GRID2: variants seen among roughly 807,000 people sequenced by gnomAD.
GRID2 encodes glutamate ionotropic receptor delta type subunit 2.
A neutral mutation model predicts 114.8 loss-of-function variants in GRID2; 33 were observed. The ratio of observed to expected loss-of-function variants is 0.29; its 90% confidence interval spans 0.22 to 0.38. The LOEUF (loss-of-function observed/expected upper bound fraction) is 0.38. Ranked by LOEUF, GRID2 falls within the 10% of genes least tolerant of loss-of-function variation. The pLI is 1.00. For missense variants in GRID2, 1,184 were observed against 1,257.7 expected (o/e 0.94, Z 0.89); for synonymous variants, 505 against 449.9 (o/e 1.12, Z -1.55).
chr4:93,278,378 T>G (rs1266422304), intron 8 of GRID2, among the ~76,000 whole-genome samples: 1 of 151,680 alleles, frequency 6.6e-6, no homozygotes, highest in Non-Finnish European at 1.5e-5. Context: ...AGTAGTGGTA[T>G]GGGTTTGAGA....
At chr4:92,357,011 A>G (rs1442127661) in intron 1 of GRID2, among the ~76,000 whole-genome samples, 2 of 151,826 alleles carry the variant, frequency 1.3e-5, no homozygotes, top group African/African-American at 4.8e-5. Context: ...ACATGCACGG[A>G]TCCACAAAAC....
At chr4:92,898,116 T>C (rs1747302531) in intron 2 of GRID2, among the ~76,000 whole-genome samples, 1 of 152,198 alleles carries the variant, frequency 6.6e-6, no homozygotes, top group South Asian at 2.1e-4. Flanking sequence ...ATTCTAGTTA[T>C]TTCTCACTGA....
chr4:92,620,087 G>A (rs1346263247), intron 2 of GRID2, among the ~76,000 whole-genome samples: 1 of 151,872 alleles, frequency 6.6e-6, no homozygotes, highest in East Asian at 1.9e-4. Flanking sequence ...AGTGTGGTTA[G>A]TCTGGAATAC....
At chr4:93,238,180 A>C (rs902718974) in intron 7 of GRID2, among the ~76,000 whole-genome samples, 191 bp from the exon 8 acceptor site, 6 of 151,862 alleles carry the variant, frequency 4.0e-5, no homozygotes, top group Non-Finnish European at 8.8e-5. Flanking sequence ...GGATTAAGGA[A>C]TTTCCAAAGT....
chr4:92,943,368 C>T (rs898202994), intron 2 of GRID2, among the ~76,000 whole-genome samples: 10 of 152,146 alleles, frequency 6.6e-5, no homozygotes, highest in South Asian at 2.1e-4. Context: ...CAGTTGATCG[C>T]GTCGGCTACT....
At chr4:92,633,118 C>T (rs141200439) in intron 2 of GRID2, among the ~76,000 whole-genome samples, 3 of 152,208 alleles carry the variant, frequency 2.0e-5, no homozygotes, top group Non-Finnish European at 4.4e-5. Context: ...ACTTTGAACC[C>T]AGGGCCATAA....
chr4:93,193,291 T>G (rs1741167505), intron 4 of GRID2, among the ~76,000 whole-genome samples: 1 of 152,096 alleles, frequency 6.6e-6, no homozygotes, highest in Admixed American at 6.6e-5. Flanking sequence ...TTTGATATGG[T>G]TTGGCTGTGT....
At chr4:92,314,242 A>T (rs1725853330) in intron 1 of GRID2, among the ~76,000 whole-genome samples, 1 of 152,110 alleles carries the variant, frequency 6.6e-6, no homozygotes, top group African/African-American at 2.4e-5. Context: ...TTTTATCTGA[A>T]CTTAAGAGCA....
intron 2 of GRID2, among the ~76,000 whole-genome samples, chr4:92,890,444 G>A (rs1746686663): frequency 6.6e-6 from 1 of 152,108 alleles, no homozygotes; most frequent in Non-Finnish European, 1.5e-5. Context: ...ATTGAAAAGT[G>A]GGTGAAGGAT....
intron 2 of GRID2, among the ~76,000 whole-genome samples, chr4:92,662,124 C>T (rs577909010): frequency 2.2e-3 from 331 of 151,094 alleles, no homozygotes; most frequent in Non-Finnish European, 3.4e-3. Flanking sequence ...CACAGGTTTC[C>T]TTTCTGTGTA....
At chr4:92,370,474 A>C (rs919415298) in intron 1 of GRID2, among the ~76,000 whole-genome samples, 1 of 151,820 alleles carries the variant, frequency 6.6e-6, no homozygotes, top group Admixed American at 6.6e-5. Flanking sequence ...ACAGAGCAAA[A>C]CCCCATCTCT....
chr4:93,156,148 A>G (rs2149402471), intron 4 of GRID2, among the ~76,000 whole-genome samples: 1 of 151,930 alleles, frequency 6.6e-6, no homozygotes, highest in Non-Finnish European at 1.5e-5. Context: ...TGAATGAATA[A>G]ATATGTATGA....
intron 14 of GRID2, among the ~76,000 whole-genome samples, chr4:93,698,085 G>A (rs779144696): frequency 2.0e-5 from 3 of 151,740 alleles, no homozygotes; most frequent in Non-Finnish European, 4.4e-5. Context: ...ATGCTGATAA[G>A]AGTAATTAGT....
chr4:93,280,903 A>G lies in GRID2; in HGVS notation c.1245+42413A>G, dbSNP rs77622491. 0.025 allele frequency among the ~76,000 whole-genome samples: 3,848 copies of G among 152,056 alleles called. 223 individuals are homozygous for G. In the East Asian group the frequency reaches 0.26, roughly 10 times the overall value. On this transcript the variant is annotated intron_variant, in intron 8 of 15. Transcript: ENST00000282020. ...AATATTTGACTCCTACTACATCCAA[A>G]ACTCTGTTCTAGGCACAGAACACAG...
chr4:92,319,869 C>T (rs745950836), intron 1 of GRID2, among the ~76,000 whole-genome samples: 6 of 152,132 alleles, frequency 3.9e-5, no homozygotes, highest in Admixed American at 1.3e-4. Flanking sequence ...TAGCTCCCAC[C>T]TTGGCTGGGT....
chr4:92,560,310 T>G (rs1215299217), intron 1 of GRID2, among the ~76,000 whole-genome samples: 1 of 152,194 alleles, frequency 6.6e-6, no homozygotes, highest in East Asian at 1.9e-4. Context: ...CCCCACATAC[T>G]TAGCATGGCA....
At chr4:92,456,754 G>A (rs1721235618) in intron 1 of GRID2, among the ~76,000 whole-genome samples, 1 of 152,002 alleles carries the variant, frequency 6.6e-6, no homozygotes, top group Admixed American at 6.6e-5. Flanking sequence ...TATATTAGTA[G>A]GGAACACAGG....
At chr4:92,767,513 G>A (rs1006115801) in intron 2 of GRID2, among the ~76,000 whole-genome samples, 2 of 152,054 alleles carry the variant, frequency 1.3e-5, no homozygotes, top group African/African-American at 4.8e-5. Context: ...TTTCATGGGA[G>A]GCCAAGACAG....
chr4:92,358,308 C>T (rs1445123450), intron 1 of GRID2, among the ~76,000 whole-genome samples: 3 of 151,978 alleles, frequency 2.0e-5, no homozygotes, highest in African/African-American at 7.2e-5. Context: ...ATCGGACATA[C>T]TATATATAAC....
Sources: gnomAD v4.1 joint callset for allele counts (sites outside exome capture counted in the v4.1 genomes callset) on GRCh38, gnomAD v4.1.1 for gene constraint, MANE v1.5 for transcripts, NCBI Gene and HGNC (gene_info 2026-07-23, HGNC 2026-07-21) for gene names.